DTNBP1: variants seen among roughly 807,000 people sequenced by gnomAD.
The protein encoded by DTNBP1 is dystrobrevin binding protein 1.
In DTNBP1, 35 loss-of-function variants were observed where a neutral mutation model predicts 42.8. The ratio of observed to expected loss-of-function variants is 0.82; its 90% CI spans 0.63 to 1.09. DTNBP1 has a LOEUF of 1.09. Ranked by LOEUF, DTNBP1 falls within the 50% of genes least tolerant of loss-of-function variation. DTNBP1 has a pLI of 0.00. For missense variants in DTNBP1, 457 were observed against 424.2 expected (o/e 1.08, Z -0.68); for synonymous variants, 171 against 162.2 (o/e 1.05, Z -0.41).
At chr6:15,588,387 C>T (rs1776163058) in intron 7 of DTNBP1, among the ~76,000 whole-genome samples, 1 of 152,170 alleles carries the variant, frequency 6.6e-6, no homozygotes, top group African/African-American at 2.4e-5. Context: ...TATCCTACTC[C>T]CTATCCGGAC....
intron 3 of DTNBP1, 86 bp from the exon 4 acceptor site, chr6:15,637,890 G>A: frequency 1.4e-6 from 2 of 1,383,896 alleles, no homozygotes; most frequent in Non-Finnish European, 2.0e-6. Context: ...ATATCCTGTG[G>A]TGCTAGAAAG....
At chr6:15,626,293 C>T (rs1215638836) in intron 5 of DTNBP1, among the ~76,000 whole-genome samples, 1 of 152,190 alleles carries the variant, frequency 6.6e-6, no homozygotes, top group East Asian at 1.9e-4. Flanking sequence ...ATCATCTAAT[C>T]ATCTCTGACA....
intron 8 of DTNBP1, among the ~76,000 whole-genome samples, chr6:15,532,861 G>A (rs1168868483): frequency 4.0e-5 from 6 of 151,644 alleles, no homozygotes; most frequent in East Asian, 1.9e-4. Context: ...CACCACGGCC[G>A]GCTAATTTTT....
At chr6:15,644,050 T>C (rs1262697391) in intron 3 of DTNBP1, among the ~76,000 whole-genome samples, 1 of 151,934 alleles carries the variant, frequency 6.6e-6, no homozygotes, top group African/African-American at 2.4e-5. Flanking sequence ...CTATCTCACA[T>C]GTAATGACAC....
chr6:15,624,939 C>T (rs1335027939), intron 5 of DTNBP1, among the ~76,000 whole-genome samples: 6 of 152,068 alleles, frequency 3.9e-5, no homozygotes, highest in African/African-American at 1.4e-4. Flanking sequence ...TACATGTTTA[C>T]ACAACTCACT....
chr6:15,523,217 G>A lies in DTNBP1; in HGVS notation c.814C>T (p.Pro272Ser), dbSNP rs17470454. 79,134 of 1,613,910 alleles carry A rather than the reference G, an allele frequency of 0.049. 2,473 individuals carry two copies. Among genetic ancestry groups the A allele is most frequent in the Non-Finnish European group, 0.056 (65,854 of 1,179,816 alleles). The change falls in exon 10 of 10, where the codon CCT becomes TCT. Residue 272 changes from proline (P) to serine (S), a missense_variant and splice_region_variant. Coordinates refer to ENST00000344537, the MANE Select transcript of DTNBP1 (RefSeq NM_032122.5). The part of the protein sequence containing the change: ...ENTVLSPALG[P>S]ESSTCQNEIT... ...TCATTCTGACAGGTACTGGATTCAG[G>A]CCCTGCAAAATAACGTAGGGAAGAA...
intron 4 of DTNBP1, among the ~76,000 whole-genome samples, chr6:15,632,890 G>A (rs1198433514): frequency 6.6e-6 from 1 of 152,112 alleles, no homozygotes; most frequent in Non-Finnish European, 1.5e-5. Context: ...TGTCTCCCAG[G>A]TAGAATGCCT....
At chr6:15,627,256 T>C in intron 5 of DTNBP1, 87 bp downstream of exon 5, 1 of 1,547,918 alleles carries the variant, frequency 6.5e-7, no homozygotes, top group South Asian at 1.1e-5. Flanking sequence ...ATTTCATGTG[T>C]TCCTGAAAAG....
At chr6:15,538,062 T>C (rs1043078579) in intron 7 of DTNBP1, among the ~76,000 whole-genome samples, 1 of 152,134 alleles carries the variant, frequency 6.6e-6, no homozygotes, top group Non-Finnish European at 1.5e-5. Flanking sequence ...TGAGACCTGC[T>C]CCCTGGTGTA....
chr6:15,639,941 T>C (rs1311707849), intron 3 of DTNBP1, among the ~76,000 whole-genome samples: 1 of 152,164 alleles, frequency 6.6e-6, no homozygotes, highest in Non-Finnish European at 1.5e-5. Context: ...ACCATTTCCT[T>C]TTCTCCCCGT....
chr6:15,523,144 G>A lies in DTNBP1; in HGVS notation c.887C>T (p.Pro296Leu), dbSNP rs781381233. 28 of 1,614,230 alleles carry A rather than the reference G, an allele frequency of 1.7e-5. No homozygotes were observed. Among genetic ancestry groups the A allele is most frequent in the Middle Eastern group, 1.6e-4 (1 of 6,062 alleles). ...GTCGGTGCAGGTGGAGGAAGAAGAA[G>A]GTGGCTTGGCTCTTAATTCTGAGGG... ...PNPSELRAKP[P>L]SSSSTCTDSA... Residue 296 changes from proline to leucine, a missense_variant, in exon 10 of 10, where the codon CCT (proline) becomes CTT (leucine). Physicochemically the swap from Pro to Leu is moderately conservative, Grantham distance 98. Transcript: ENST00000344537.
intron 1 of DTNBP1, among the ~76,000 whole-genome samples, chr6:15,654,069 G>A (rs1761157860): frequency 6.6e-6 from 1 of 152,082 alleles, no homozygotes; most frequent in African/African-American, 2.4e-5. Flanking sequence ...CATACAAAGA[G>A]TTTCATATTA....
chr6:15,535,410 G>T (rs1773166491), intron 7 of DTNBP1, among the ~76,000 whole-genome samples: 1 of 152,068 alleles, frequency 6.6e-6, no homozygotes, highest in Non-Finnish European at 1.5e-5. Flanking sequence ...TCTGCCTCCT[G>T]GGTTCAAGCA....
intron 3 of DTNBP1, among the ~76,000 whole-genome samples, chr6:15,639,824 C>A (rs554277953): frequency 6.6e-5 from 10 of 152,298 alleles, no homozygotes; most frequent in African/African-American, 2.2e-4. Flanking sequence ...ATTGAAAATT[C>A]AGGACTTCGT....
chr6:15,576,244 G>A (rs964268380), intron 7 of DTNBP1, among the ~76,000 whole-genome samples: 6 of 151,694 alleles, frequency 4.0e-5, no homozygotes, highest in Admixed American at 3.9e-4. Flanking sequence ...TCAGACTCCC[G>A]AGTAGCCGGG....
At chr6:15,660,454 G>C in intron 1 of DTNBP1, 1 of 1,289,782 alleles carries the variant, frequency 7.8e-7, no homozygotes, top group Non-Finnish European at 1.0e-6. Context: ...GAGATGAGTT[G>C]TTTCTCCACC....
At chr6:15,557,961 A>T (rs1443674728) in intron 7 of DTNBP1, among the ~76,000 whole-genome samples, 3 of 152,060 alleles carry the variant, frequency 2.0e-5, no homozygotes, top group African/African-American at 4.8e-5. Context: ...TATTTGGTAT[A>T]TTAAAATCAT....
rs373906472 is a variant in DTNBP1 at position 15,648,476 on chromosome 6, A to G, written c.161+2837T>C. On this transcript the variant is annotated intron_variant, in intron 3 of 9. Coordinates refer to ENST00000344537, the MANE Select transcript of DTNBP1 (RefSeq NM_032122.5). ...GCAAAATGATTTCTATTCATAAATG[A>G]TATGATCTTATATGCAGAAAACCCT... Among the ~76,000 whole-genome samples the G allele has an allele frequency of 3.2e-4, 48 of 152,188 alleles. No individual in the cohort carries two copies. The South Asian group carries it at 4.6e-3, about 14-fold the overall frequency.
At chr6:15,639,708 T>C (rs558685872) in intron 3 of DTNBP1, among the ~76,000 whole-genome samples, 8 of 152,382 alleles carry the variant, frequency 5.2e-5, no homozygotes, top group African/African-American at 1.7e-4. Flanking sequence ...ACTGCTGAGA[T>C]ATAAATTTTA....
Sources: gnomAD v4.1 joint callset for allele counts (sites outside exome capture counted in the v4.1 genomes callset) on GRCh38, gnomAD v4.1.1 for gene constraint, MANE v1.5 for transcripts, NCBI Gene and HGNC (gene_info 2026-07-23, HGNC 2026-07-21) for gene names.